ITGAE: variants seen among roughly 807,000 people sequenced by gnomAD.
ITGAE encodes the protein integrin alpha-E.
Under a neutral mutation model 136.5 loss-of-function variants are expected in ITGAE, and 99 were observed. The ratio of observed to expected loss-of-function variants is 0.73; its 90% CI spans 0.62 to 0.86. The LOEUF (loss-of-function observed/expected upper bound fraction) is 0.86. ITGAE is among the 40% of genes least tolerant of loss of function. The pLI is 0.00. For synonymous variants in ITGAE, 613 were observed against 591.8 expected (o/e 1.04, Z -0.52); for missense variants, 1,447 against 1,515.3 (o/e 0.95, Z 0.75).
chr17:3,768,915 C>A (rs2052357975), intron 2 of ITGAE, among the ~76,000 whole-genome samples: 1 of 152,170 alleles, frequency 6.6e-6, no homozygotes, highest in Non-Finnish European at 1.5e-5. Context: ...GCCCAGGCAA[C>A]AGCTGAGGGG....
Position 3,723,355 on chromosome 17 carries a change from C to T in ITGAE, c.3170G>A (p.Cys1057Tyr), listed in dbSNP as rs145815279. 3.1e-6 allele frequency: 5 copies of T among 1,613,852 alleles called. No individual in the cohort carries two copies. In the Admixed American group the frequency reaches 6.7e-5, roughly 22 times the overall value. ...QHVEEWHSVSCVIASDKENVT... is the reference protein window; with the variant it reads ...QHVEEWHSVSYVIASDKENVT... The stretch of plus-strand genomic sequence containing the variant: ...ATTTTCTTTATCTGAAGCGATGACA[C>T]AGCTCACTGAATGCCATTCTTCCAC... The change falls in exon 28 of 31, where the codon TGT (cysteine) becomes TAT (tyrosine). Residue 1057 changes from cysteine (C) to tyrosine (Y), a missense_variant. By Grantham distance (194) the Cys-to-Tyr change is radical. Around this residue, in one of 3 missense-constraint regions of ITGAE, gnomAD observed 1,031 missense variants for 1,011.4 expected, o/e 1.02. Coordinates refer to ENST00000263087, the MANE Select transcript of ITGAE (RefSeq NM_002208.5).
chr17:3,725,716 T>C (rs2051194198), intron 26 of ITGAE: 1 of 1,573,858 alleles, frequency 6.4e-7, no homozygotes, highest in Admixed American at 1.9e-5. Flanking sequence ...CCTGATTTTT[T>C]TAAAGACGAC....
At chr17:3,785,407 T>G (rs1048192064) in intron 1 of ITGAE, among the ~76,000 whole-genome samples, 5 of 151,410 alleles carry the variant, frequency 3.3e-5, no homozygotes, top group Non-Finnish European at 5.9e-5. Context: ...AGGTGGAGGT[T>G]GCAGTGAGCC....
intron 17 of ITGAE, among the ~76,000 whole-genome samples, chr17:3,746,815 T>A (rs1486378279): frequency 6.6e-6 from 1 of 152,102 alleles, no homozygotes; most frequent in Non-Finnish European, 1.5e-5. Flanking sequence ...ATGGTCTCGA[T>A]CTCCTGACCT....
intron 28 of ITGAE, among the ~76,000 whole-genome samples, chr17:3,722,925 G>A (rs1193525419): frequency 6.6e-6 from 1 of 152,214 alleles, no homozygotes; most frequent in East Asian, 1.9e-4. Context: ...GCAGGCCGAA[G>A]GTTATTGCAA....
chr17:3,734,109 G>A (rs144586999), intron 21 of ITGAE, among the ~76,000 whole-genome samples: 1 of 151,994 alleles, frequency 6.6e-6, no homozygotes, highest in Non-Finnish European at 1.5e-5. Context: ...CTTGCTCTGT[G>A]GCCCAGGCTG....
In ITGAE at chr17:3,795,797, G is replaced by A. The variant is rs113941416; in HGVS notation, c.34+5314C>T. 3.2e-3 allele frequency among the ~76,000 whole-genome samples: 490 copies of A among 151,722 alleles called. 2 individuals carry two copies. The highest frequency in any genetic ancestry group is 0.011 in the African/African-American group (452 of 41,414). On this transcript the variant is annotated intron_variant, in intron 1 of 30. Transcript: ENST00000263087. ...TGCGTGTGTGCATGTGTGTGCATCC[G>A]TGTGTGCTTGTGTGCATCCGTGTGC... is the stretch of plus-strand genomic sequence containing the variant.
chr17:3,747,045 G>A (rs368406520), intron 17 of ITGAE, among the ~76,000 whole-genome samples: 3 of 152,218 alleles, frequency 2.0e-5, no homozygotes, highest in Non-Finnish European at 2.9e-5. Context: ...CTGAGGAATC[G>A]TTCCAGGGGG....
intron 20 of ITGAE, among the ~76,000 whole-genome samples, chr17:3,739,511 T>A (rs1419812222): frequency 6.6e-6 from 1 of 152,190 alleles, no homozygotes; most frequent in East Asian, 1.9e-4. Flanking sequence ...CGCTGGGTTC[T>A]GAATATAGCA....
chr17:3,731,281 T>A, intron 22 of ITGAE, 98 bp from the exon 23 acceptor site: 1 of 827,526 alleles, frequency 1.2e-6, no homozygotes, highest in Non-Finnish European at 2.0e-6. Context: ...AGACGATTCC[T>A]CAGATTTTCA....
intron 18 of ITGAE, among the ~76,000 whole-genome samples, chr17:3,744,478 G>A (rs575084093): frequency 1.2e-4 from 17 of 139,976 alleles, no homozygotes; most frequent in African/African-American, 4.1e-4. Flanking sequence ...ATGGAGTCTC[G>A]CTCTGTCGCC....
chr17:3,788,456 ATTT>A (rs71155804), intron 1 of ITGAE, among the ~76,000 whole-genome samples: 2 of 103,262 alleles, frequency 1.9e-5, no homozygotes, highest in Non-Finnish European at 2.0e-5. Context: ...GACCTGACTA[ATTT>A]TTTTTTTTTT....
Position 3,723,584 on chromosome 17 carries a change from G to A in ITGAE, c.3141+104C>T, listed in dbSNP as rs1419002432. The A allele has an allele frequency of 1.5e-5, 19 of 1,251,270 alleles. No homozygotes were observed. The South Asian group carries it at 2.0e-4, about 13-fold the overall frequency. 77.5% of individuals were successfully genotyped at this position (1,251,270 alleles called of 1,614,324 possible). ...GCTAGGGAGGGCCTGGCAGCCCCCG[G>A]CACTGGCCGGCAGGGGTAACCCAGG... On this transcript the variant is annotated intron_variant, in intron 27 of 30. Coordinates refer to ENST00000263087, the MANE Select transcript of ITGAE (RefSeq NM_002208.5).
intron 1 of ITGAE, among the ~76,000 whole-genome samples, chr17:3,797,001 C>T (rs1013550973): frequency 1.4e-4 from 22 of 151,988 alleles, no homozygotes; most frequent in Middle Eastern, 6.8e-3. Context: ...GTCCCCCCAC[C>T]TCGATCTTCT....
At chr17:3,795,740 C>T (rs901283608) in intron 1 of ITGAE, among the ~76,000 whole-genome samples, 10 of 152,180 alleles carry the variant, frequency 6.6e-5, no homozygotes, top group Admixed American at 3.3e-4. Context: ...AAGAGCCTGC[C>T]GCAGAGGCAC....
chr17:3,779,367 G>A (rs150524852), intron 1 of ITGAE, among the ~76,000 whole-genome samples: 7 of 150,666 alleles, frequency 4.6e-5, no homozygotes, highest in East Asian at 1.9e-4. Flanking sequence ...TTGCTCTGTC[G>A]CCCAGGCTGG....
At position 3,745,803 on chromosome 17, in the gene ITGAE, C is replaced by A. The variant is rs770344960; in HGVS notation, c.2280G>T (p.Gln760His). ...GCATGAGCAGGAGGTCCTCACAAAG[C>A]TGGGATCCGCTGCTCCACTCCCTCA... ...GCLREWSSGS[Q>H]LCEDLLLMPT... Residue 760 changes from glutamine (Q) to histidine (H), a missense_variant, in exon 18 of 31, where the codon CAG becomes CAT. Physicochemically the swap from Gln to His is conservative, Grantham distance 24. This residue lies in a region of ITGAE where 1,031 missense variants were observed against 1,011.4 expected (regional missense o/e 1.02). Transcript: ENST00000263087. The A allele has an allele frequency of 6.2e-7, 1 of 1,614,116 alleles. No homozygotes were observed. Among genetic ancestry groups the A allele is most frequent in the Non-Finnish European group, 8.5e-7 (1 of 1,180,024 alleles).
intron 21 of ITGAE, among the ~76,000 whole-genome samples, chr17:3,734,581 A>C (rs1472488390): frequency 2.0e-5 from 3 of 152,206 alleles, no homozygotes; most frequent in African/African-American, 7.2e-5. Context: ...CTTCTCTCTC[A>C]GAACCCTGGT....
chr17:3,786,342 T>G (rs1312984736), intron 1 of ITGAE, among the ~76,000 whole-genome samples: 1 of 152,026 alleles, frequency 6.6e-6, no homozygotes. Context: ...CTTAGGGAGA[T>G]CTCTACGCCC....
Sources: allele counts gnomAD v4.1 joint callset (sites outside exome capture counted in the v4.1 genomes callset), GRCh38; gene constraint gnomAD v4.1.1; regional missense constraint gnomAD v4.1.1; transcripts MANE v1.5; gene names NCBI Gene and HGNC (gene_info 2026-07-23, HGNC 2026-07-21).